The following STK32C variants were observed in gnomAD, a reference collection of about 807,000 sequenced individuals.
STK32C encodes serine/threonine kinase 32C.
Under a neutral mutation model 56.5 loss-of-function variants are expected in STK32C, and 31 were observed. That is an observed-to-expected ratio of 0.55 (90% CI 0.41 to 0.74). The LOEUF (loss-of-function observed/expected upper bound fraction) is 0.74, where lower values mean the gene tolerates loss of function less well. Among genes scored for constraint, STK32C ranks in the 30% least tolerant of loss-of-function variants. The pLI, the probability that STK32C is intolerant of heterozygous loss-of-function variation, is 0.00. For synonymous variants in STK32C, 309 were observed against 289.4 expected (o/e 1.07, Z -0.69); for missense variants, 544 against 676.9 (o/e 0.80, Z 2.18).
At chr10:132,269,191 CTG>C (rs982782684) in intron 1 of STK32C, among the ~76,000 whole-genome samples, 3 of 150,810 alleles carry the variant, frequency 2.0e-5, no homozygotes, top group African/African-American at 7.3e-5. Context: ...GTGTGTGTGT[CTG>C]TGTGTGCATG....
chr10:132,326,032 T>C (rs902668459), intron 1 of STK32C, among the ~76,000 whole-genome samples: 1 of 152,154 alleles, frequency 6.6e-6, no homozygotes, highest in Non-Finnish European at 1.5e-5. Flanking sequence ...TATGTCTTTA[T>C]CAGCAGCGTG....
At chr10:132,270,678 G>A (rs2064788692) in intron 1 of STK32C, among the ~76,000 whole-genome samples, 1 of 152,192 alleles carries the variant, frequency 6.6e-6, no homozygotes, top group African/African-American at 2.4e-5. Context: ...ATGGCCTGGG[G>A]GTACCAACCA....
At chr10:132,254,240 C>T (rs1463843074) in intron 1 of STK32C, among the ~76,000 whole-genome samples, 1 of 152,008 alleles carries the variant, frequency 6.6e-6, no homozygotes, top group Non-Finnish European at 1.5e-5. Context: ...ACCCGGGAGG[C>T]AGAGGTTGCA....
chr10:132,211,897 G>C (rs909713018), intron 10 of STK32C, among the ~76,000 whole-genome samples: 1 of 152,128 alleles, frequency 6.6e-6, no homozygotes, highest in Non-Finnish European at 1.5e-5. Flanking sequence ...ATCCCGAGAA[G>C]GGCGGGGGTC....
At chr10:132,224,622 C>CT in intron 7 of STK32C, 99 bp from the exon 8 acceptor site, 1 of 848,986 alleles carries the variant, frequency 1.2e-6, no homozygotes, top group East Asian at 2.7e-5. Flanking sequence ...GGACCCCCTC[C>CT]CCCCACCCCA....
Position 132,225,548 on chromosome 10 carries a change from C to T in STK32C, c.751G>A (p.Ala251Thr). 1 of 1,613,854 alleles carries T rather than the reference C, an allele frequency of 6.2e-7. No homozygotes were observed. Among genetic ancestry groups the T allele is most frequent in the Non-Finnish European group, 8.5e-7 (1 of 1,180,022 alleles). ...IKDGERATAL[A>T]GTKPYMAPEI... ...TCACCCATGTACGGCTTGGTGCCTG[C>T]TAATGCCGTCGCCCGCTCCCCGTCC... Residue 251 changes from alanine (A) to threonine (T), a missense_variant, in exon 6 of 12, where the codon GCA (alanine) becomes ACA (threonine). Physicochemically the swap from Ala to Thr is moderately conservative, Grantham distance 58. This residue lies in a region of STK32C where 85 missense variants were observed against 149.9 expected (regional missense o/e 0.57). Transcript: ENST00000298630.
Position 132,267,714 on chromosome 10 carries a change from T to C in STK32C, c.263-21759A>G, listed in dbSNP as rs1005163340. ...GCATGCAGGTTCAGCTCTATGTCTA[T>C]GTGCATGCATGTCCCACATCGTGTG... On this transcript the variant is annotated intron_variant, in intron 1 of 11. Coordinates refer to ENST00000298630, the MANE Select transcript of STK32C (RefSeq NM_173575.4). 9.3e-5 allele frequency among the ~76,000 whole-genome samples: 13 copies of C among 140,326 alleles called. 1 individual carries two copies. The highest frequency in any genetic ancestry group is 9.0e-4 in the Admixed American group (13 of 14,390). The allele number at this position is 140,326 out of a possible 152,430, so 92.1% of individuals were successfully genotyped here.
intron 1 of STK32C, among the ~76,000 whole-genome samples, chr10:132,327,480 A>ATT (rs922673980): frequency 1.4e-3 from 208 of 147,012 alleles, no homozygotes; most frequent in African/African-American, 5.0e-3. Flanking sequence ...TTTAAAACAA[A>ATT]TTTTTTTTTT....
intron 7 of STK32C, 42 bp from the exon 8 acceptor site, chr10:132,224,565 C>T (rs764387264): frequency 3.5e-6 from 5 of 1,433,692 alleles, no homozygotes; most frequent in South Asian, 1.2e-5. Context: ...CTCCTGGCCC[C>T]CAGGACACCC....
chr10:132,305,981 G>T (rs1305681369), intron 1 of STK32C, among the ~76,000 whole-genome samples: 2 of 152,238 alleles, frequency 1.3e-5, no homozygotes, highest in Non-Finnish European at 2.9e-5. Context: ...CAAATACGGT[G>T]ATGCTGGGGA....
At chr10:132,326,389 T>C (rs2066499956) in intron 1 of STK32C, among the ~76,000 whole-genome samples, 1 of 152,200 alleles carries the variant, frequency 6.6e-6, no homozygotes, top group South Asian at 2.1e-4. Context: ...TGGAGTGCAG[T>C]GGTGTGATGT....
At chr10:132,286,500 C>T (rs11146313) in intron 1 of STK32C, among the ~76,000 whole-genome samples, 49,877 of 151,934 alleles carry the variant, frequency 0.33, 8,376 homozygotes, top group Non-Finnish European at 0.37. Flanking sequence ...GGCCAATATC[C>T]CTAATGAACA....
At chr10:132,320,206 G>T (rs2066377609), downstream of STK32C, among the ~76,000 whole-genome samples, 1 of 152,100 alleles carries the variant, frequency 6.6e-6, no homozygotes. Context: ...GGATGGTGGG[G>T]GGTGTGCAGG....
intron 1 of STK32C, among the ~76,000 whole-genome samples, chr10:132,275,080 T>G (rs755590945): frequency 6.6e-6 from 1 of 151,960 alleles, no homozygotes; most frequent in Non-Finnish European, 1.5e-5. Flanking sequence ...GGAACCAAGT[T>G]CCTCCTGGAA....
intron 1 of STK32C, among the ~76,000 whole-genome samples, chr10:132,314,908 A>G (rs7921748): frequency 0.014 from 2,197 of 152,292 alleles, 44 homozygotes; most frequent in South Asian, 0.045. Context: ...AGGCCGAGGC[A>G]GGCAGATCCT....
At chr10:132,226,767 G>A in intron 4 of STK32C, 28 bp downstream of exon 4, 1 of 1,605,472 alleles carries the variant, frequency 6.2e-7, no homozygotes, top group Non-Finnish European at 8.5e-7. Context: ...ACCTCAGCAG[G>A]TACCTGCGCC....
At chr10:132,305,331 G>A (rs145908132) in intron 1 of STK32C, among the ~76,000 whole-genome samples, 140 of 152,278 alleles carry the variant, frequency 9.2e-4, no homozygotes, top group African/African-American at 3.2e-3. Context: ...CTTATATGTC[G>A]CAACTATGCC....
At chr10:132,332,200 G>A (rs1298910424), upstream of STK32C, 2 of 156,536 alleles carry the variant, frequency 1.3e-5, no homozygotes, top group Non-Finnish European at 2.8e-5. Context: ...TCCATTGTCG[G>A]GCTGCTGCTC....
chr10:132,239,340 T>C (rs1370179618), intron 2 of STK32C, among the ~76,000 whole-genome samples: 3 of 151,986 alleles, frequency 2.0e-5, no homozygotes, highest in Non-Finnish European at 4.4e-5. Context: ...CAAACGGTCC[T>C]CCCCAAGCTG....
Sources: allele counts gnomAD v4.1 joint callset (sites outside exome capture counted in the v4.1 genomes callset), GRCh38; gene constraint gnomAD v4.1.1; regional missense constraint gnomAD v4.1.1; transcripts MANE v1.5; gene names NCBI Gene and HGNC (gene_info 2026-07-23, HGNC 2026-07-21).